PUM3: variants seen among roughly 807,000 people sequenced by gnomAD.
PUM3 encodes the protein pumilio homolog 3.
PUM3 carries 91 observed loss-of-function variants against 84.0 expected under a neutral mutation model. That is an observed-to-expected ratio of 1.08 (90% CI 0.91 to 1.29). The LOEUF (loss-of-function observed/expected upper bound fraction) is 1.29, where lower values mean the gene tolerates loss of function less well. PUM3 is among the 50% of genes most tolerant of loss of function. The probability of loss-of-function intolerance (pLI) is 0.00; values close to 1 mark genes in which losing one functional copy is unlikely to be tolerated. For missense variants in PUM3, 1,067 were observed against 767.5 expected (o/e 1.39, Z -4.61); for synonymous variants, 321 against 266.7 (o/e 1.20, Z -1.98).
chr9:2,828,609 A>C, intron 9 of PUM3, 66 bp downstream of exon 9: 1 of 927,070 alleles, frequency 1.1e-6, no homozygotes, highest in South Asian at 1.3e-5. Flanking sequence ...TCTGGGCAAC[A>C]GTTATGGAAA....
chr9:2,811,265 C>T (rs1821363194), intron 15 of PUM3, 96 bp downstream of exon 15: 1 of 919,092 alleles, frequency 1.1e-6, no homozygotes, highest in Admixed American at 1.9e-5. Flanking sequence ...ACAGGTATCT[C>T]CCTCCCCAGC....
At chr9:2,812,662 G>A (rs1290243971) in intron 13 of PUM3, among the ~76,000 whole-genome samples, 1 of 152,180 alleles carries the variant, frequency 6.6e-6, no homozygotes, top group South Asian at 2.1e-4. Flanking sequence ...TGTGGAGCTA[G>A]TTCTGAAATT....
chr9:2,838,846 A>T (rs1373694942), intron 1 of PUM3, among the ~76,000 whole-genome samples: 1 of 152,214 alleles, frequency 6.6e-6, no homozygotes, highest in East Asian at 1.9e-4. Flanking sequence ...TAAGCATCAG[A>T]GTTTGCATTT....
chr9:2,805,583 G>A (rs1340331194), intron 17 of PUM3, among the ~76,000 whole-genome samples: 1 of 152,066 alleles, frequency 6.6e-6, no homozygotes, highest in East Asian at 1.9e-4. Context: ...TGCCACCTAC[G>A]ATGCTAAAAA....
In PUM3 at chr9:2,837,238, G is replaced by A. The variant is rs768496853; in HGVS notation, c.246C>T (p.Phe82=). 1.0e-4 allele frequency: 165 copies of A among 1,613,950 alleles called. 1 individual carries two copies. In the South Asian group the frequency reaches 1.8e-3, roughly 17 times the overall value. Residue 82 remains phenylalanine, a synonymous_variant, in exon 3 of 18, where the codon TTC becomes TTT. Coordinates refer to ENST00000397885, the MANE Select transcript of PUM3 (RefSeq NM_014878.5). ...QQGDKSPKNK[F]QPANKFNKKR... ...TCTTGTTGAATTTATTTGCCGGCTGGAATTTGTTCTTTGGTGATTTGTCCC... is the reference window on the plus strand; with the variant it reads ...TCTTGTTGAATTTATTTGCCGGCTGAAATTTGTTCTTTGGTGATTTGTCCC...
chr9:2,838,481 G>A lies in PUM3; in HGVS notation c.27C>T (p.Phe9=). 1 of 1,613,384 alleles carries A rather than the reference G, an allele frequency of 6.2e-7. No homozygotes were observed. The highest frequency in any genetic ancestry group is 8.5e-7 in the Non-Finnish European group (1 of 1,179,578). ...GTGCTGTCTTTGTACTCTTTCCTGT[G>A]AATTGCTTTTTCCCTTTAACTTCCA... MEVKGKKQ[F]TGKSTKTAQE... The change falls in exon 2 of 18, where the codon TTC becomes TTT. Residue 9 remains phenylalanine, a synonymous_variant. Transcript: ENST00000397885.
chr9:2,842,192 C>G (rs1020403751), intron 1 of PUM3, among the ~76,000 whole-genome samples: 17 of 152,170 alleles, frequency 1.1e-4, no homozygotes, highest in Non-Finnish European at 1.9e-4. Context: ...TCAATAGTGT[C>G]TCTTGGAATT....
intron 15 of PUM3, 45 bp downstream of exon 15, chr9:2,811,316 T>C (rs1212291195): frequency 6.3e-7 from 1 of 1,585,736 alleles, no homozygotes; most frequent in East Asian, 2.2e-5. Context: ...ACGAAGTTTT[T>C]GTGGCCTTTG....
intron 11 of PUM3, 71 bp from the exon 12 acceptor site, chr9:2,823,905 A>G: frequency 8.1e-6 from 6 of 736,986 alleles, no homozygotes; most frequent in Non-Finnish European, 1.3e-5. Flanking sequence ...TAAACATTTT[A>G]ATATAATATT....
intron 16 of PUM3, among the ~76,000 whole-genome samples, chr9:2,808,312 T>G (rs1465149638): frequency 6.6e-6 from 1 of 152,234 alleles, no homozygotes; most frequent in African/African-American, 2.4e-5. Flanking sequence ...AAATGCTCAC[T>G]CACAAGGTGC....
At chr9:2,807,763 G>C in intron 17 of PUM3, 51 bp downstream of exon 17, 1 of 1,151,760 alleles carries the variant, frequency 8.7e-7, no homozygotes, top group Non-Finnish European at 1.3e-6. Context: ...AAGGAAGTGT[G>C]TCTTTTGCAT....
Position 2,837,269 on chromosome 9 carries a change from T to C in PUM3, c.215A>G (p.Gln72Arg), listed in dbSNP as rs1262343013. 1 of 1,614,158 alleles carries C rather than the reference T, an allele frequency of 6.2e-7. No homozygotes were observed. Among genetic ancestry groups the C allele is most frequent in the Non-Finnish European group, 8.5e-7 (1 of 1,179,990 alleles). The change falls in exon 3 of 18, where the codon CAG becomes CGG. Residue 72 changes from glutamine (Q) to arginine (R), a missense_variant. Physicochemically the swap from Gln to Arg is conservative, Grantham distance 43. Coordinates refer to ENST00000397885, the MANE Select transcript of PUM3 (RefSeq NM_014878.5). Reference protein sequence around the residue: ...KKGVKQFKNKQQGDKSPKNKF... With the variant: ...KKGVKQFKNKRQGDKSPKNKF... Reference sequence around the variant, plus strand: ...GTTCTTTGGTGATTTGTCCCCTTGCTGCTTATTCTTGAACTGCTTTACACC... The same window carrying C: ...GTTCTTTGGTGATTTGTCCCCTTGCCGCTTATTCTTGAACTGCTTTACACC...
intron 15 of PUM3, among the ~76,000 whole-genome samples, 166 bp downstream of exon 15, chr9:2,811,195 T>G (rs995601797): frequency 1.3e-5 from 2 of 152,134 alleles, no homozygotes; most frequent in Admixed American, 6.5e-5. Context: ...ACCCAGATGG[T>G]TAGAGAAAAT....
At chr9:2,833,490 C>G (rs990431248) in intron 4 of PUM3, 58 bp from the exon 5 acceptor site, 6 of 982,214 alleles carry the variant, frequency 6.1e-6, no homozygotes, top group Non-Finnish European at 9.3e-6. Flanking sequence ...TTTAAACACA[C>G]AAAATTAAAA....
chr9:2,804,482 T>A lies in PUM3; in HGVS notation c.1815-19A>T, dbSNP rs755493785. 6.2e-7 allele frequency: 1 copy of A among 1,604,120 alleles called. No individual in the cohort carries two copies. On this transcript the variant is annotated intron_variant, in intron 17 of 17. Transcript: ENST00000397885. ...GAGGAGGCTGAAGAGAGGAAAAAAATTAAATTTCATAAGCATTCCTAGATC... is the reference window on the plus strand; with the variant it reads ...GAGGAGGCTGAAGAGAGGAAAAAAAATAAATTTCATAAGCATTCCTAGATC...
At chr9:2,819,726 A>T (rs1325049819) in intron 13 of PUM3, among the ~76,000 whole-genome samples, 1 of 152,202 alleles carries the variant, frequency 6.6e-6, no homozygotes, top group Non-Finnish European at 1.5e-5. Flanking sequence ...CATAGTTTAG[A>T]ATCACGTATG....
chr9:2,807,711 T>C (rs141909409), intron 17 of PUM3, 103 bp downstream of exon 17: 8 of 711,930 alleles, frequency 1.1e-5, no homozygotes, highest in African/African-American at 5.4e-5. Flanking sequence ...GGAGTAATAT[T>C]AGACTACTGA....
At chr9:2,815,151 C>T (rs1563827447) in intron 13 of PUM3, among the ~76,000 whole-genome samples, 1 of 152,088 alleles carries the variant, frequency 6.6e-6, no homozygotes, top group Non-Finnish European at 1.5e-5. Flanking sequence ...TTAATTAAGG[C>T]TTTTAAAAGA....
intron 12 of PUM3, among the ~76,000 whole-genome samples, chr9:2,822,675 T>G (rs553547809): frequency 6.7e-6 from 1 of 149,580 alleles, no homozygotes; most frequent in South Asian, 2.1e-4. Context: ...GCAAAAAAAT[T>G]TACTTAATAT....
Sources: allele counts gnomAD v4.1 joint callset (sites outside exome capture counted in the v4.1 genomes callset), GRCh38; gene constraint gnomAD v4.1.1; transcripts MANE v1.5; gene names NCBI Gene and HGNC (gene_info 2026-07-23, HGNC 2026-07-21).